CSMD2: variants seen among roughly 807,000 people sequenced by gnomAD.
CSMD2 encodes CUB and Sushi multiple domains 2, also known as CUB and sushi domain-containing protein 2.
In CSMD2, 130 loss-of-function variants were observed where a neutral mutation model predicts 398.5. The ratio of observed to expected loss-of-function variants is 0.33; its 90% CI spans 0.28 to 0.38. The LOEUF (loss-of-function observed/expected upper bound fraction) is 0.38. Among genes scored for constraint, CSMD2 ranks in the 10% least tolerant of loss-of-function variants. The probability of loss-of-function intolerance (pLI) is 1.00; values close to 1 mark genes in which losing one functional copy is unlikely to be tolerated. For synonymous variants in CSMD2, 1,828 were observed against 1,908.5 expected (o/e 0.96, Z 1.10); for missense variants, 3,829 against 4,764.9 (o/e 0.80, Z 5.78).
intron 12 of CSMD2, among the ~76,000 whole-genome samples, chr1:33,773,167 T>C (rs538669449): frequency 3.2e-4 from 48 of 151,906 alleles, no homozygotes; most frequent in African/African-American, 1.0e-3. Flanking sequence ...TCACTGAACC[T>C]GACCTTGCAT....
intron 49 of CSMD2, among the ~76,000 whole-genome samples, chr1:33,575,967 G>A (rs999783355): frequency 6.6e-6 from 1 of 152,174 alleles, no homozygotes; most frequent in African/African-American, 2.4e-5. Context: ...CTATGTAGTT[G>A]GCAATGTTTT....
At chr1:34,103,470 T>TTTTG (rs1660210449) in intron 1 of CSMD2, among the ~76,000 whole-genome samples, 1 of 151,722 alleles carries the variant, frequency 6.6e-6, no homozygotes, top group Non-Finnish European at 1.5e-5. Flanking sequence ...AGCTAATTTT[T>TTTTG]CACGTTTTTA....
chr1:33,707,615 G>C (rs1285053811), intron 22 of CSMD2, among the ~76,000 whole-genome samples: 1 of 152,020 alleles, frequency 6.6e-6, no homozygotes, highest in African/African-American at 2.4e-5. Flanking sequence ...TCTCATGAGT[G>C]AATCTTCTTG....
At chr1:34,123,787 G>T (rs1339153997) in intron 1 of CSMD2, among the ~76,000 whole-genome samples, 1 of 152,014 alleles carries the variant, frequency 6.6e-6, no homozygotes. Context: ...TGTTGTGTTG[G>T]TGGTGGCTGT....
intron 3 of CSMD2, among the ~76,000 whole-genome samples, chr1:34,014,591 G>A (rs1353241193): frequency 6.6e-6 from 1 of 152,206 alleles, no homozygotes; most frequent in Non-Finnish European, 1.5e-5. Context: ...TGGAGCCTAG[G>A]CAAGCGACCA....
At chr1:33,532,393 G>A (rs141698706) in intron 64 of CSMD2, among the ~76,000 whole-genome samples, 19 of 152,284 alleles carry the variant, frequency 1.2e-4, no homozygotes, top group South Asian at 2.1e-4. Context: ...TGAACTAATC[G>A]TTTAACCTTA....
At chr1:34,107,843 C>T (rs1311451292) in intron 1 of CSMD2, among the ~76,000 whole-genome samples, 1 of 152,174 alleles carries the variant, frequency 6.6e-6, no homozygotes, top group African/African-American at 2.4e-5. Flanking sequence ...AAGGGGACCA[C>T]ATGGGGACGC....
intron 25 of CSMD2, among the ~76,000 whole-genome samples, chr1:33,671,575 C>A (rs1644499620): frequency 6.6e-6 from 1 of 152,104 alleles, no homozygotes; most frequent in African/African-American, 2.4e-5. Flanking sequence ...TTCCACCTCC[C>A]ACTGCCACAC....
At chr1:33,650,726 G>A (rs566224212) in intron 28 of CSMD2, among the ~76,000 whole-genome samples, 13 of 152,232 alleles carry the variant, frequency 8.5e-5, no homozygotes, top group East Asian at 3.9e-4. Context: ...GATTTACACC[G>A]TGTGAAATGA....
intron 10 of CSMD2, among the ~76,000 whole-genome samples, chr1:33,793,656 A>G (rs1015768738): frequency 1.3e-5 from 2 of 151,882 alleles, no homozygotes; most frequent in African/African-American, 4.8e-5. Flanking sequence ...TGTTTGAGAA[A>G]ATGTCAGTGT....
At chr1:33,714,871 G>T in intron 20 of CSMD2, 96 bp from the exon 21 acceptor site, 1 of 1,228,660 alleles carries the variant, frequency 8.1e-7, no homozygotes, top group Non-Finnish European at 1.2e-6. Context: ...GGGGGAAAGG[G>T]CCAGGGACAA....
At chr1:33,732,443 T>C (rs569882522) in intron 15 of CSMD2, among the ~76,000 whole-genome samples, 1 of 152,044 alleles carries the variant, frequency 6.6e-6, no homozygotes, top group Admixed American at 6.5e-5. Flanking sequence ...CCTAGTCCAG[T>C]AGGACTGGTG....
At chr1:33,949,287 A>C (rs1455142842) in intron 3 of CSMD2, among the ~76,000 whole-genome samples, 1 of 152,196 alleles carries the variant, frequency 6.6e-6, no homozygotes, top group East Asian at 1.9e-4. Flanking sequence ...AGAAGATGCC[A>C]GGGCAGTGTG....
intron 2 of CSMD2, among the ~76,000 whole-genome samples, chr1:34,035,205 G>A (rs2358757): frequency 0.45 from 68,461 of 151,904 alleles, 15,782 homozygotes; most frequent in East Asian, 0.58. Flanking sequence ...CTATTAAGGA[G>A]ATTGAATTAG....
intron 36 of CSMD2, 43 bp from the exon 37 acceptor site, chr1:33,622,314 T>A (rs1256742697): frequency 4.9e-6 from 7 of 1,440,964 alleles, no homozygotes; most frequent in Non-Finnish European, 5.9e-6. Context: ...GTTTGGCTCC[T>A]CCAGGCCCTT....
intron 2 of CSMD2, among the ~76,000 whole-genome samples, chr1:34,077,563 C>T (rs907126121): frequency 2.4e-4 from 36 of 149,442 alleles, no homozygotes; most frequent in African/African-American, 7.9e-4. Flanking sequence ...AGTGAAACCC[C>T]GTCTCTATTA....
At chr1:34,151,891 G>A (rs1486042391) in intron 1 of CSMD2, among the ~76,000 whole-genome samples, 1 of 140,408 alleles carries the variant, frequency 7.1e-6, no homozygotes, top group Non-Finnish European at 1.5e-5. Context: ...CACCCAGGCT[G>A]GAGTGTAGTG....
intron 5 of CSMD2, among the ~76,000 whole-genome samples, chr1:33,912,417 C>A (rs996227891): frequency 1.3e-5 from 2 of 150,158 alleles, no homozygotes; most frequent in South Asian, 2.2e-4. Flanking sequence ...ATACACCCCC[C>A]CACACACACT....
intron 10 of CSMD2, among the ~76,000 whole-genome samples, chr1:33,801,882 G>C (rs967474177): frequency 6.6e-6 from 1 of 152,188 alleles, no homozygotes; most frequent in Admixed American, 6.5e-5. Flanking sequence ...CAAAGGGAGA[G>C]ATGGGGCAGA....
Sources: gnomAD v4.1 joint callset for allele counts (sites outside exome capture counted in the v4.1 genomes callset) on GRCh38, gnomAD v4.1.1 for gene constraint, MANE v1.5 for transcripts, NCBI Gene and HGNC (gene_info 2026-07-23, HGNC 2026-07-21) for gene names.